BBS12: variants seen among roughly 807,000 people sequenced by gnomAD.
BBS12 encodes chaperonin-containing T-complex member BBS12.
BBS12 carries 5 observed loss-of-function variants against 5.6 expected under a neutral mutation model. The observed-to-expected ratio is 0.89, with a 90% confidence interval of 0.46 to 1.86. The LOEUF is 1.86. Among genes scored for constraint, BBS12 ranks in the 40% most tolerant of loss-of-function variants. The pLI is 0.01. For synonymous variants in BBS12, 308 were observed against 306.8 expected, an observed-to-expected ratio of 1.00 and a Z score of -0.04; for missense variants, 748 against 830.4, an observed-to-expected ratio of 0.90 and a Z score of 1.22.
chr4:122,743,410 C>T lies in BBS12; in HGVS notation c.1518C>T (p.Asn506=), dbSNP rs2292494. The change falls in exon 2 of 2, where the codon AAC becomes AAT. Residue 506 remains asparagine, a synonymous_variant. Coordinates refer to ENST00000314218, the MANE Select transcript of BBS12 (RefSeq NM_152618.3). ...GINLVTAVLT[N]PVTAQMQIKE... ...ATTTGGTTACGGCCGTGCTCACTAA[C>T]CCAGTTACTGCACAGATGCAAATCA... 2.8e-5 allele frequency: 46 copies of T among 1,614,072 alleles called. No individual in the cohort carries two copies. The East Asian group carries it at 1.0e-3, about 36-fold the overall frequency.
At chr4:122,710,348 G>A in the BBS12 span, among the ~76,000 whole-genome samples, 1,001 of 152,278 alleles carry the variant, frequency 6.6e-3, 24 homozygotes, top group Non-Finnish European at 5.7e-3. Flanking sequence ...TCTAAGGCAG[G>A]AGAAACTGGA....
the BBS12 span, among the ~76,000 whole-genome samples, chr4:122,702,005 CA>C: frequency 6.6e-6 from 1 of 152,138 alleles, no homozygotes; most frequent in South Asian, 2.1e-4. Context: ...TTCCTCTCCC[CA>C]AAGCTCATGG....
At position 122,742,151 on chromosome 4, in the gene BBS12, A is replaced by G. The variant is rs1560706527; in HGVS notation, c.259A>G (p.Thr87Ala). 2.5e-6 allele frequency: 4 copies of G among 1,613,832 alleles called. No homozygotes were observed. The highest frequency in any genetic ancestry group is 3.3e-5 in the Admixed American group (2 of 59,994). ...CAACACATATAGAACTGGAATCAGTACTCTTTTGTTTCTTGTTGGTGCTTG... is the reference window on the plus strand; with the variant it reads ...CAACACATATAGAACTGGAATCAGTGCTCTTTTGTTTCTTGTTGGTGCTTG... ...QNNTYRTGIS[T>A]LLFLVGAWSS... is the part of the protein sequence containing the mutation. The change falls in exon 2 of 2, where the codon ACT becomes GCT. Residue 87 changes from threonine to alanine, a missense_variant. By Grantham distance (58) the Thr-to-Ala change is moderately conservative. Transcript: ENST00000314218.
At chr4:122,706,378 T>C in the BBS12 span, among the ~76,000 whole-genome samples, 1 of 152,208 alleles carries the variant, frequency 6.6e-6, no homozygotes, top group Non-Finnish European at 1.5e-5. Flanking sequence ...AGATTTTTAA[T>C]AAATCAATGC....
chr4:122,704,532 G>A, the BBS12 span, among the ~76,000 whole-genome samples: 3 of 151,918 alleles, frequency 2.0e-5, no homozygotes, highest in Admixed American at 1.3e-4. Context: ...CCTCATATTC[G>A]CCTCCCATAA....
chr4:122,716,679 A>G, the BBS12 span, among the ~76,000 whole-genome samples: 15 of 67,708 alleles, frequency 2.2e-4, 1 homozygote, highest in African/African-American at 9.4e-4. Flanking sequence ...ATGTGTATAT[A>G]TACACATATG....
At position 122,743,708 on chromosome 4, in the gene BBS12, A is replaced by G. The variant is rs1800933495; in HGVS notation, c.1816A>G (p.Thr606Ala). ...QKYLSTLLYN[T>A]ANYSSEFEAS... ...ATACCTTTCAACTCTCCTATATAACACTGCCAATTACTCATCAGAATTTGA... is the reference window on the plus strand; with the variant it reads ...ATACCTTTCAACTCTCCTATATAACGCTGCCAATTACTCATCAGAATTTGA... Residue 606 changes from threonine to alanine, a missense_variant, in exon 2 of 2, where the codon ACT becomes GCT. By Grantham distance (58) the Thr-to-Ala change is moderately conservative. Coordinates refer to ENST00000314218, the MANE Select transcript of BBS12 (RefSeq NM_152618.3). 1 of 1,614,080 alleles carries G rather than the reference A, an allele frequency of 6.2e-7. No homozygotes were observed. Among genetic ancestry groups the G allele is most frequent in the Admixed American group, 1.7e-5 (1 of 60,014 alleles).
chr4:122,716,738 T>C, the BBS12 span, among the ~76,000 whole-genome samples: 5 of 51,398 alleles, frequency 9.7e-5, no homozygotes, highest in African/African-American at 4.6e-4. Context: ...CACACACACG[T>C]GTGTGTGTAT....
the BBS12 span, among the ~76,000 whole-genome samples, chr4:122,723,138 T>C: frequency 6.6e-6 from 1 of 152,172 alleles, no homozygotes; most frequent in Non-Finnish European, 1.5e-5. Flanking sequence ...AAATTTCAAA[T>C]GCTGAACAAT....
At chr4:122,711,350 T>A in the BBS12 span, among the ~76,000 whole-genome samples, 645 of 141,720 alleles carry the variant, frequency 4.6e-3, 1 homozygote, top group South Asian at 8.4e-3. Flanking sequence ...AAACTAAACA[T>A]CCTGATTGGA....
rs1203431331 is a variant in BBS12 at position 122,743,006 on chromosome 4, T to A, written c.1114T>A (p.Phe372Ile). The change falls in exon 2 of 2, where the codon TTT becomes ATT. Residue 372 changes from phenylalanine (F) to isoleucine (I), a missense_variant. Physicochemically the swap from Phe to Ile is conservative, Grantham distance 21 (BLOSUM62 0). Transcript: ENST00000314218. ...DLTENYRHLG[F>I]NKSANIKTVL... Reference sequence around the variant, plus strand: ...CACAGAGAATTACCGCCACCTGGGATTTAATAAGTCTGCAAATATTAAAAC... The same window carrying A: ...CACAGAGAATTACCGCCACCTGGGAATTAATAAGTCTGCAAATATTAAAAC... The A allele has an allele frequency of 6.2e-7, 1 of 1,613,790 alleles. No homozygotes were observed. The highest frequency in any genetic ancestry group is 2.2e-5 in the East Asian group (1 of 44,898).
At chr4:122,730,969 AGC>A (rs1203056428), upstream of BBS12, 5 of 152,324 alleles carry the variant, frequency 3.3e-5, no homozygotes, top group East Asian at 7.7e-4. Context: ...TTAAAAAAGA[AGC>A]AACTATCCAG....
chr4:122,722,794 G>A, the BBS12 span, among the ~76,000 whole-genome samples: 1 of 151,980 alleles, frequency 6.6e-6, no homozygotes, highest in Middle Eastern at 3.2e-3. Context: ...CATGTCACCT[G>A]CAAATAAGAT....
the BBS12 span, among the ~76,000 whole-genome samples, chr4:122,716,649 GTGTA>G: frequency 0.11 from 11,866 of 106,940 alleles, 1,428 homozygotes; most frequent in Non-Finnish European, 0.14. Flanking sequence ...ACACACGTGT[GTGTA>G]TATGCACATA....
At position 122,742,590 on chromosome 4, in the gene BBS12, A is replaced by G; in HGVS notation, c.698A>G (p.His233Arg). The change falls in exon 2 of 2, where the codon CAC (histidine) becomes CGC (arginine). Residue 233 changes from histidine to arginine, a missense_variant. Physicochemically the swap from His to Arg is conservative, Grantham distance 29. Coordinates refer to ENST00000314218, the MANE Select transcript of BBS12 (RefSeq NM_152618.3). Reference sequence around the variant, plus strand: ...TGCTGCAGACAGTCAATACTAATCCACAGTAGGCATTTTAATAGGACAGAT... The same window carrying G: ...TGCTGCAGACAGTCAATACTAATCCGCAGTAGGCATTTTAATAGGACAGAT... The part of the protein sequence containing the change: ...DTCCRQSILI[H>R]SRHFNRTDNT... The G allele has an allele frequency of 1.2e-6, 2 of 1,614,224 alleles. No individual in the cohort carries two copies. The highest frequency in any genetic ancestry group is 1.7e-6 in the Non-Finnish European group (2 of 1,180,038).
chr4:122,727,991 T>A (rs1800645861), upstream of BBS12, among the ~76,000 whole-genome samples: 1 of 152,156 alleles, frequency 6.6e-6, no homozygotes. Context: ...AAATGTATGA[T>A]TTGCAACTTG....
the BBS12 span, among the ~76,000 whole-genome samples, chr4:122,725,924 A>C: frequency 6.8e-6 from 1 of 146,738 alleles, no homozygotes; most frequent in African/African-American, 2.5e-5. Flanking sequence ...AAAAAAAATC[A>C]AGATGGATCA....
the BBS12 span, among the ~76,000 whole-genome samples, chr4:122,716,639 A>G: frequency 2.6e-5 from 2 of 78,378 alleles, no homozygotes; most frequent in South Asian, 1.1e-3. Flanking sequence ...ATATGTATAT[A>G]CACACGTGTG....
the BBS12 span, among the ~76,000 whole-genome samples, chr4:122,713,302 A>C: frequency 1.2e-4 from 18 of 152,220 alleles, 1 homozygote; most frequent in Non-Finnish European, 2.6e-4. Context: ...TTAAAATGTA[A>C]ATAAATGTAT....
Sources: gnomAD v4.1 joint callset for allele counts (sites outside exome capture counted in the v4.1 genomes callset) on GRCh38, gnomAD v4.1.1 for gene constraint, MANE v1.5 for transcripts, NCBI Gene and HGNC (gene_info 2026-07-23, HGNC 2026-07-21) for gene names.